MAFK: variants seen among roughly 807,000 people sequenced by gnomAD.
The protein encoded by MAFK is MAF bZIP transcription factor K.
Under a neutral mutation model 9.2 loss-of-function variants are expected in MAFK, and 1 was observed. That is an observed-to-expected ratio of 0.11 (90% confidence interval 0.04 to 0.52). The LOEUF is 0.52. Among genes scored for constraint, MAFK ranks in the 20% least tolerant of loss-of-function variants. The pLI, the probability that MAFK is intolerant of heterozygous loss-of-function variation, is 0.94. For synonymous variants in MAFK, 110 were observed against 107.4 expected (o/e 1.02, Z -0.15); for missense variants, 207 against 236.0 (o/e 0.88, Z 0.81).
chr7:1,534,160 TG>T lies in MAFK; in HGVS notation c.-45+3266del. The T allele has an allele frequency of 4.5e-6, 2 of 445,302 alleles. No individual in the cohort carries two copies. The highest frequency in any genetic ancestry group is 9.1e-6 in the Non-Finnish European group (2 of 218,620). 27.6% of individuals were successfully genotyped at this position (445,302 alleles called of 1,614,324 possible). A position where few individuals can be genotyped will look rare whatever the true frequency, so the allele number is the denominator to read the frequency against. On this transcript the variant is annotated intron_variant, in intron 1 of 2. Coordinates refer to ENST00000343242, the MANE Select transcript of MAFK (RefSeq NM_002360.4). This position sits in a 1 kb window ranked among gnomAD's most constrained non-coding sequence, Gnocchi z 4.3. The stretch of plus-strand genomic sequence containing the variant: ...ATGGGCCGGGCTGCGGGGTGCCAAG[TG>T]GGGTGCCTCCCGCATGCTTAGTGGG...
Position 1,540,699 on chromosome 7 carries a change from C to T in MAFK, c.*324C>T, listed in dbSNP as rs1048893347. Reference sequence around the variant, plus strand: ...GAAAGGCCCTCGGGAAGTTCCGCGTCCTCTGTGGGGGCTGCCGGAAGACAC... The same window carrying T: ...GAAAGGCCCTCGGGAAGTTCCGCGTTCTCTGTGGGGGCTGCCGGAAGACAC... On this transcript the variant is annotated 3_prime_UTR_variant, in exon 3 of 3. Coordinates refer to ENST00000343242, the MANE Select transcript of MAFK (RefSeq NM_002360.4). The T allele has an allele frequency of 3.1e-6, 1 of 322,358 alleles. No individual in the cohort carries two copies. The highest frequency in any genetic ancestry group is 5.7e-6 in the Non-Finnish European group (1 of 174,252). The allele number at this position is 322,358 out of a possible 1,614,324, so 20.0% of individuals were successfully genotyped here. A position where few individuals can be genotyped will look rare whatever the true frequency, so the allele number is the denominator to read the frequency against.
chr7:1,539,516 G>T (rs1456942908), intron 2 of MAFK, among the ~76,000 whole-genome samples: 4 of 93,764 alleles, frequency 4.3e-5, no homozygotes, highest in African/African-American at 1.9e-4. Flanking sequence ...TCATCCCCTG[G>T]CTCCAGGCGT....
intron 1 of MAFK, among the ~76,000 whole-genome samples, chr7:1,531,438 C>G (rs1783902759): frequency 6.6e-6 from 1 of 152,160 alleles, no homozygotes; most frequent in South Asian, 2.1e-4. Context: ...TGCCCGGGAA[C>G]GGGGTGGGGG....
At chr7:1,537,482 C>T (rs937241496) in intron 1 of MAFK, 25 of 985,476 alleles carry the variant, frequency 2.5e-5, no homozygotes, top group South Asian at 1.4e-4. Flanking sequence ...TCCCAGCCGC[C>T]GGCATTTGCA....
chr7:1,533,908 G>A (rs767893937), intron 1 of MAFK, among the ~76,000 whole-genome samples: 2 of 152,142 alleles, frequency 1.3e-5, no homozygotes, highest in Admixed American at 6.5e-5. Flanking sequence ...GCTGGAGGCC[G>A]AGGACAGGAG....
Position 1,534,104 on chromosome 7 carries a change from G to A in MAFK, c.-45+3206G>A. The A allele has an allele frequency of 2.6e-6, 1 of 391,540 alleles. No individual in the cohort carries two copies. Among genetic ancestry groups the A allele is most frequent in the Non-Finnish European group, 5.3e-6 (1 of 189,200 alleles). The allele number at this position is 391,540 out of a possible 1,614,324, so 24.3% of individuals were successfully genotyped here. The stretch of plus-strand genomic sequence containing the variant: ...GCCGACAGTCATGGCTTGCTGGAGG[G>A]CAGCCAGCCAGGGCCAGGCTGCTGG... On this transcript the variant is annotated intron_variant, in intron 1 of 2. Coordinates refer to ENST00000343242, the MANE Select transcript of MAFK (RefSeq NM_002360.4). The surrounding 1 kb of genome is among the most constrained non-coding windows in gnomAD (Gnocchi z 4.3).
intron 1 of MAFK, chr7:1,537,827 C>T: frequency 2.3e-6 from 1 of 435,070 alleles, no homozygotes; most frequent in Non-Finnish European, 3.1e-6. Flanking sequence ...GGGTCCTGGG[C>T]TGGCAGGGAG....
In MAFK at chr7:1,534,173, G is replaced by T. The variant is rs749797452; in HGVS notation, c.-45+3275G>T. ...CGGGGTGCCAAGTGGGGTGCCTCCC[G>T]CATGCTTAGTGGGGCTGTGTCCGGG... On this transcript the variant is annotated intron_variant, in intron 1 of 2. Coordinates refer to ENST00000343242, the MANE Select transcript of MAFK (RefSeq NM_002360.4). The surrounding 1 kb of genome is among the most constrained non-coding windows in gnomAD (Gnocchi z 4.3). The T allele has an allele frequency of 2.2e-6, 1 of 449,692 alleles. No individual in the cohort carries two copies. The highest frequency in any genetic ancestry group is 4.5e-6 in the Non-Finnish European group (1 of 221,868). 27.9% of individuals were successfully genotyped at this position (449,692 alleles called of 1,614,324 possible). A position where few individuals can be genotyped will look rare whatever the true frequency, so the allele number is the denominator to read the frequency against.
At chr7:1,537,133 G>C (rs932177795) in intron 1 of MAFK, among the ~76,000 whole-genome samples, 1 of 152,260 alleles carries the variant, frequency 6.6e-6, no homozygotes, top group African/African-American at 2.4e-5. Context: ...GCATCGCGGA[G>C]GCATCTTTTT....
intron 1 of MAFK, among the ~76,000 whole-genome samples, chr7:1,537,220 C>A (rs1056347110): frequency 6.6e-6 from 1 of 152,266 alleles, no homozygotes; most frequent in Non-Finnish European, 1.5e-5. Flanking sequence ...TCTGGCCAGA[C>A]GGTCCTGTCC....
chr7:1,536,983 G>T (rs1784046254), intron 1 of MAFK, among the ~76,000 whole-genome samples: 1 of 152,248 alleles, frequency 6.6e-6, no homozygotes, highest in Non-Finnish European at 1.5e-5. Context: ...GGGCCCCAGT[G>T]CAGGTGTGCC....
intron 1 of MAFK, among the ~76,000 whole-genome samples, chr7:1,533,223 A>G (rs1783943786): frequency 6.6e-6 from 1 of 152,044 alleles, no homozygotes; most frequent in South Asian, 2.1e-4. Flanking sequence ...GCTTCTCCGC[A>G]CTGTGCGTCG....
At chr7:1,537,432 G>A (rs917972878) in intron 1 of MAFK, 9 of 985,414 alleles carry the variant, frequency 9.1e-6, no homozygotes, top group East Asian at 1.1e-4. Context: ...AGCGGTGCCC[G>A]CGGCCCCTCC....
Position 1,540,377 on chromosome 7 carries a change from G to A in MAFK, c.*2G>A. On this transcript the variant is annotated 3_prime_UTR_variant, in exon 3 of 3. Transcript: ENST00000343242. ...GTGCCCTTCTCGGCTGCATCCTAGTGCCGGCCGGGGGCGGGGGGTGGCGGG... is the reference window on the plus strand; with the variant it reads ...GTGCCCTTCTCGGCTGCATCCTAGTACCGGCCGGGGGCGGGGGGTGGCGGG... 2 of 1,493,804 alleles carry A rather than the reference G, an allele frequency of 1.3e-6. No individual in the cohort carries two copies. The highest frequency in any genetic ancestry group is 1.4e-5 in the African/African-American group (1 of 70,458). The allele number at this position is 1,493,804 out of a possible 1,614,324, so 92.5% of individuals were successfully genotyped here.
rs985388361 is a variant in MAFK, at chr7:1,534,534, C to T, written c.-45+3636C>T. 11 of 454,882 alleles carry T rather than the reference C, an allele frequency of 2.4e-5. No individual in the cohort carries two copies. Among genetic ancestry groups the T allele is most frequent in the Admixed American group, 9.4e-5 (4 of 42,492 alleles). The allele number at this position is 454,882 out of a possible 1,614,324, so 28.2% of individuals were successfully genotyped here. A position where few individuals can be genotyped will look rare whatever the true frequency, so the allele number is the denominator to read the frequency against. On this transcript the variant is annotated intron_variant, in intron 1 of 2. Coordinates refer to ENST00000343242, the MANE Select transcript of MAFK (RefSeq NM_002360.4). This position sits in a 1 kb window ranked among gnomAD's most constrained non-coding sequence, Gnocchi z 4.3. The stretch of plus-strand genomic sequence containing the variant: ...GCTGGGTTTCTGAACCCGTGTCTCT[C>T]GCACAGAGCTCCCGTCCTCCGTTCC...
rs1355803435 is a variant in MAFK, at chr7:1,534,740, C to G, written c.-45+3842C>G. On this transcript the variant is annotated intron_variant, in intron 1 of 2. Coordinates refer to ENST00000343242, the MANE Select transcript of MAFK (RefSeq NM_002360.4). This position sits in a 1 kb window ranked among gnomAD's most constrained non-coding sequence, Gnocchi z 4.3. The stretch of plus-strand genomic sequence containing the variant: ...AGAACAAGTGACCCATCCAGAGCCC[C>G]CATGCTGGCCTCGTAGAGCGAGCGG... 2.3e-6 allele frequency: 1 copy of G among 429,698 alleles called. No homozygotes were observed. Among genetic ancestry groups the G allele is most frequent in the Admixed American group, 2.4e-5 (1 of 41,004 alleles). The allele number at this position is 429,698 out of a possible 1,614,324, so 26.6% of individuals were successfully genotyped here.
intron 1 of MAFK, among the ~76,000 whole-genome samples, chr7:1,533,114 G>A (rs550827361): frequency 5.3e-5 from 8 of 152,336 alleles, no homozygotes; most frequent in African/African-American, 1.9e-4. Flanking sequence ...GTGGCCACAT[G>A]CCCCACCCCC....
rs147441563 is a variant in MAFK at position 1,536,136 on chromosome 7, G to A, written c.-44-3013G>A. Among the ~76,000 whole-genome samples the A allele has an allele frequency of 2.0e-3, 309 of 152,340 alleles. 1 individual carries two copies. Among genetic ancestry groups the A allele is most frequent in the African/African-American group, 7.1e-3 (297 of 41,582 alleles). ...TGCTGCCCGGCGCTGCTCCCGGGAC[G>A]TGGGGCGTGAGCGCTGCACCCTTAC... On this transcript the variant is annotated intron_variant, in intron 1 of 2. Coordinates refer to ENST00000343242, the MANE Select transcript of MAFK (RefSeq NM_002360.4).
At chr7:1,536,892 A>G (rs1784043542) in intron 1 of MAFK, among the ~76,000 whole-genome samples, 1 of 152,106 alleles carries the variant, frequency 6.6e-6, no homozygotes, top group Non-Finnish European at 1.5e-5. Context: ...TGACCTGCCC[A>G]AGGAGGTGGG....
Sources: gnomAD v4.1 joint callset for allele counts (sites outside exome capture counted in the v4.1 genomes callset) on GRCh38, gnomAD v4.1.1 for gene constraint, Gnocchi (gnomAD v3.1) non-coding constraint, MANE v1.5 for transcripts, NCBI Gene and HGNC (gene_info 2026-07-23, HGNC 2026-07-21) for gene names.